NUCB2: variants seen among roughly 807,000 people sequenced by gnomAD.
The protein encoded by NUCB2 is nucleobindin-2.
NUCB2 carries 48 observed loss-of-function variants against 57.9 expected under a neutral mutation model. The ratio of observed to expected loss-of-function variants is 0.83; its 90% CI spans 0.66 to 1.05. The LOEUF (loss-of-function observed/expected upper bound fraction) is 1.05. NUCB2 is among the 50% of genes least tolerant of loss of function. NUCB2 has a pLI of 0.00. For missense variants in NUCB2, 442 were observed against 476.2 expected (o/e 0.93, Z 0.67); for synonymous variants, 139 against 152.1 (o/e 0.91, Z 0.64).
At chr11:17,347,714 G>A (rs989540979) in intron 2 of NUCB2, among the ~76,000 whole-genome samples, 2 of 152,096 alleles carry the variant, frequency 1.3e-5, no homozygotes, top group African/African-American at 4.8e-5. Flanking sequence ...TTGTTGTAAG[G>A]TCTCTTTAAT....
Position 17,330,287 on chromosome 11 carries a change from A to G in NUCB2, c.1163A>G (p.Glu388Gly). ...GATCAACTGGAGGCTCAGAAGCTGG[A>G]ATATCATCAGGTGGCATTTTGTCAA... ...QHDQLEAQKL[E>G]YHQVIQQMEQ... Residue 388 changes from glutamate to glycine, a missense_variant, in exon 12 of 14, where the codon GAA becomes GGA. By Grantham distance (98) the Glu-to-Gly change is moderately conservative. Coordinates refer to ENST00000529010, the MANE Select transcript of NUCB2 (RefSeq NM_005013.4). This position sits in a 1 kb window ranked among gnomAD's most constrained non-coding sequence, Gnocchi z 4.3. 6.3e-7 allele frequency: 1 copy of G among 1,597,208 alleles called. No homozygotes were observed. Among genetic ancestry groups the G allele is most frequent in the Non-Finnish European group, 8.5e-7 (1 of 1,175,678 alleles).
At chr11:17,300,609 C>CT (rs756909341) in intron 4 of NUCB2, among the ~76,000 whole-genome samples, 1 of 152,112 alleles carries the variant, frequency 6.6e-6, no homozygotes, top group Non-Finnish European at 1.5e-5. Context: ...GCATTTTATA[C>CT]TTTTTTATGG....
At chr11:17,277,218 C>T (rs1211364668) in intron 1 of NUCB2, 3 of 152,266 alleles carry the variant, frequency 2.0e-5, no homozygotes, top group African/African-American at 7.2e-5. Flanking sequence ...CTGTGCCGCT[C>T]AGCAAAGCTA....
chr11:17,335,033 T>G (rs1453706213), downstream of NUCB2, among the ~76,000 whole-genome samples: 1 of 152,180 alleles, frequency 6.6e-6, no homozygotes, highest in East Asian at 1.9e-4. Context: ...ATCCCAAAAT[T>G]AAATATAGCA....
chr11:17,287,202 C>T (rs1467563881), intron 2 of NUCB2, among the ~76,000 whole-genome samples: 1 of 152,036 alleles, frequency 6.6e-6, no homozygotes, highest in African/African-American at 2.4e-5. Context: ...CGCATGGTGG[C>T]TTGCTTGTGG....
chr11:17,315,460 G>C lies in NUCB2; in HGVS notation c.987G>C (p.Glu329Asp), dbSNP rs777644383. The C allele has an allele frequency of 5.0e-6, 8 of 1,607,704 alleles. No individual in the cohort carries two copies. The South Asian group carries it at 7.7e-5, about 15-fold the overall frequency. ...CCACAGAAAAAAAAGAATTCTTGGA[G>C]CCAGATAGCTGGGAGGTAATAGAAC... Reference protein sequence around the residue: ...LKATEKKEFLEPDSWETLDQQ... With the variant: ...LKATEKKEFLDPDSWETLDQQ... The change falls in exon 11 of 14, where the codon GAG becomes GAC. Residue 329 changes from glutamate to aspartate, a missense_variant. Glu to Asp is a conservative substitution (Grantham distance 45, BLOSUM62 2). Coordinates refer to ENST00000529010, the MANE Select transcript of NUCB2 (RefSeq NM_005013.4).
intron 4 of NUCB2, among the ~76,000 whole-genome samples, chr11:17,297,807 T>G (rs214109): frequency 0.019 from 2,874 of 152,308 alleles, 95 homozygotes; most frequent in African/African-American, 0.066. Context: ...TGAGGGTCCG[T>G]GTGTGGTGGC....
At position 17,305,280 on chromosome 11, in the gene NUCB2, C is replaced by A. The variant is rs990692834; in HGVS notation, c.379+3410C>A. ...CAGAGGTTGCAGTGAGCTGAGATCA[C>A]ACTATTGCACTCCAGCCTGGGTGAC... is the stretch of plus-strand genomic sequence containing the variant. On this transcript the variant is annotated intron_variant, in intron 5 of 13. Coordinates refer to ENST00000529010, the MANE Select transcript of NUCB2 (RefSeq NM_005013.4). 2.0e-5 allele frequency among the ~76,000 whole-genome samples: 3 copies of A among 152,040 alleles called. No homozygotes were observed. The East Asian group carries it at 5.8e-4, about 29-fold the overall frequency.
At chr11:17,341,950 C>A (rs1952306083) in intron 2 of NUCB2, among the ~76,000 whole-genome samples, 1 of 152,100 alleles carries the variant, frequency 6.6e-6, no homozygotes, top group South Asian at 2.1e-4. Flanking sequence ...TGGTCCTGGA[C>A]TTTTTTTGGT....
At chr11:17,343,942 T>C (rs1478728355) in intron 2 of NUCB2, among the ~76,000 whole-genome samples, 2 of 152,220 alleles carry the variant, frequency 1.3e-5, no homozygotes, top group Non-Finnish European at 2.9e-5. Flanking sequence ...GTATGTTTCA[T>C]TGAGGTTCAA....
intron 2 of NUCB2, among the ~76,000 whole-genome samples, chr11:17,345,276 T>G (rs1198153881): frequency 6.6e-6 from 1 of 152,262 alleles, no homozygotes; most frequent in African/African-American, 2.4e-5. Context: ...TTACCAATAT[T>G]AATTATGTCT....
rs749377490 is a variant in NUCB2, at chr11:17,315,464, G to A, written c.991G>A (p.Asp331Asn). Reference sequence around the variant, plus strand: ...AGAAAAAAAAGAATTCTTGGAGCCAGATAGCTGGGAGGTAATAGAACCTAC... The same window carrying A: ...AGAAAAAAAAGAATTCTTGGAGCCAAATAGCTGGGAGGTAATAGAACCTAC... ...ATEKKEFLEP[D>N]SWETLDQQQF... Residue 331 changes from aspartate to asparagine, a missense_variant, in exon 11 of 14, where the codon GAT (aspartate) becomes AAT (asparagine). By Grantham distance (23) the Asp-to-Asn change is conservative. Transcript: ENST00000529010. 3.1e-6 allele frequency: 5 copies of A among 1,604,504 alleles called. No homozygotes were observed. The highest frequency in any genetic ancestry group is 2.2e-5 in the East Asian group (1 of 44,700).
intron 2 of NUCB2, among the ~76,000 whole-genome samples, chr11:17,348,011 A>G (rs1952883324): frequency 1.3e-5 from 2 of 152,144 alleles, no homozygotes; most frequent in Admixed American, 6.5e-5. Context: ...TTGGATTTTT[A>G]TGTCTTTTTA....
intron 1 of NUCB2, among the ~76,000 whole-genome samples, chr11:17,282,240 A>ATCTATCTATCTATCTATCTATC (rs1206325646): frequency 9.3e-5 from 10 of 107,028 alleles, no homozygotes; most frequent in African/African-American, 2.1e-4. Context: ...ATCTATCTAT[A>ATCTATCTATCTATCTATCTATC]TATATATATA....
At chr11:17,348,319 G>GGTTTTTTTTTTTTTTTTTTTTTTTTTTT (rs1952917777) in intron 2 of NUCB2, among the ~76,000 whole-genome samples, 1 of 84,450 alleles carries the variant, frequency 1.2e-5, no homozygotes, top group African/African-American at 5.0e-5. Flanking sequence ...TTGTTTTTGT[G>GGTTTTTTTTTTTTTTTTTTTTTTTTTTT]TTTTTTTTTT....
rs7107805 is a variant in NUCB2 at position 17,303,656 on chromosome 11, G to A, written c.379+1786G>A. ...TCCCAGCACTTTGGGAGGCCGAGGC[G>A]AGTGGGTCACCTGAGGTCAGGAGAT... On this transcript the variant is annotated intron_variant, in intron 5 of 13. Transcript: ENST00000529010. Among the ~76,000 whole-genome samples, 953 of 152,180 alleles carry A rather than the reference G, an allele frequency of 6.3e-3. 6 individuals are homozygous for A. Among genetic ancestry groups the A allele is most frequent in the Non-Finnish European group, 7.7e-3 (522 of 67,996 alleles).
At chr11:17,295,195 C>A (rs995748493) in intron 2 of NUCB2, 129 bp from the exon 3 acceptor site, 2 of 707,524 alleles carry the variant, frequency 2.8e-6, no homozygotes, top group African/African-American at 3.7e-5. Flanking sequence ...TCTTTCCTTT[C>A]CTATAATTTT....
At chr11:17,284,148 G>T (rs990809663) in intron 2 of NUCB2, among the ~76,000 whole-genome samples, 1 of 152,100 alleles carries the variant, frequency 6.6e-6, no homozygotes, top group Non-Finnish European at 1.5e-5. Flanking sequence ...CTCCTCAGTA[G>T]CTGGGACTAC....
chr11:17,339,778 G>A (rs1240237569), intron 2 of NUCB2, among the ~76,000 whole-genome samples: 2 of 152,030 alleles, frequency 1.3e-5, no homozygotes, highest in African/African-American at 2.4e-5. Context: ...TTGGTTCCAA[G>A]TCTTTGCTAT....
Sources: gnomAD v4.1 joint callset for allele counts (sites outside exome capture counted in the v4.1 genomes callset) on GRCh38, gnomAD v4.1.1 for gene constraint, Gnocchi (gnomAD v3.1) non-coding constraint, MANE v1.5 for transcripts, NCBI Gene and HGNC (gene_info 2026-07-23, HGNC 2026-07-21) for gene names.